Variants in SCAI observed in about 807,000 individuals in gnomAD.
SCAI encodes the protein protein SCAI.
Under a neutral mutation model 92.2 loss-of-function variants are expected in SCAI, and 24 were observed. The observed-to-expected ratio is 0.26, with a 90% CI of 0.19 to 0.37. SCAI has a LOEUF of 0.37. Ranked by LOEUF, SCAI falls within the 10% of genes least tolerant of loss-of-function variation. The pLI, the probability that SCAI is intolerant of heterozygous loss-of-function variation, is 1.00. For synonymous variants in SCAI, 261 were observed against 258.6 expected (o/e 1.01, Z -0.09); for missense variants, 450 against 736.2 (o/e 0.61, Z 4.50).
intron 2 of SCAI, among the ~76,000 whole-genome samples, chr9:125,068,741 AAAAAT>A (rs1272437327): frequency 1.3e-5 from 2 of 152,174 alleles, no homozygotes; most frequent in African/African-American, 4.8e-5. Context: ...TTGTGAAGAT[AAAAAT>A]AAGATTTCAG....
chr9:125,004,195 C>T lies in SCAI; in HGVS notation c.862-625G>A, dbSNP rs578075730. Among the ~76,000 whole-genome samples, 147 of 152,084 alleles carry T rather than the reference C, an allele frequency of 9.7e-4. 5 individuals carry two copies. In the South Asian group the frequency reaches 0.029, roughly 30 times the overall value. On this transcript the variant is annotated intron_variant, in intron 9 of 17. Coordinates refer to ENST00000336505, the MANE Select transcript of SCAI (RefSeq NM_001144877.3). ...TGTCTCAAAAAAAATAAAGCAGCAG[C>T]AGCACAGAGACTATATTAGGTTCTA...
At chr9:125,019,022 T>G in intron 8 of SCAI, 71 bp from the exon 9 acceptor site, 1 of 1,545,196 alleles carries the variant, frequency 6.5e-7, no homozygotes, top group Non-Finnish European at 8.9e-7. Context: ...CTATTCCTTC[T>G]TCTTGACATA....
intron 3 of SCAI, among the ~76,000 whole-genome samples, chr9:125,051,315 G>A (rs1833556241): frequency 6.6e-6 from 1 of 152,092 alleles, no homozygotes; most frequent in Admixed American, 6.6e-5. Context: ...GAGCTACCAT[G>A]CCCAGCCAAT....
Position 124,971,551 on chromosome 9 carries a change from C to T in SCAI, c.1574-81G>A, listed in dbSNP as rs970168306. 2.6e-4 allele frequency: 368 copies of T among 1,388,982 alleles called. 1 individual carries two copies. Among genetic ancestry groups the T allele is most frequent in the African/African-American group, 2.6e-4 (18 of 68,998 alleles). The allele number at this position is 1,388,982 out of a possible 1,614,324, so 86.0% of individuals were successfully genotyped here. ...AAAGGGGAAGGAAACTTCAGGAAAG[C>T]GTTCTCAACTTTCCTGCCTGGGACA... On this transcript the variant is annotated intron_variant, in intron 16 of 17. Transcript: ENST00000336505.
At chr9:125,085,472 A>G (rs746582491) in intron 2 of SCAI, among the ~76,000 whole-genome samples, 7 of 152,180 alleles carry the variant, frequency 4.6e-5, no homozygotes, top group African/African-American at 9.6e-5. Flanking sequence ...TGGGTGACAC[A>G]GCAAGGCTCT....
At chr9:125,064,925 C>T (rs1219982918) in intron 2 of SCAI, among the ~76,000 whole-genome samples, 1 of 152,004 alleles carries the variant, frequency 6.6e-6, no homozygotes, top group Non-Finnish European at 1.5e-5. Context: ...CAAAAAACAT[C>T]ATAATGAAAA....
intron 2 of SCAI, among the ~76,000 whole-genome samples, chr9:125,107,754 C>A (rs1834830865): frequency 6.6e-6 from 1 of 152,210 alleles, no homozygotes; most frequent in African/African-American, 2.4e-5. Context: ...GGCAACAGAG[C>A]AAGACCCCAT....
intron 2 of SCAI, among the ~76,000 whole-genome samples, chr9:125,111,802 G>A (rs80207727): frequency 0.023 from 3,531 of 152,198 alleles, 146 homozygotes; most frequent in African/African-American, 0.081. Context: ...AGGATGTAGC[G>A]CAGGGAAGAG....
rs1831095612 is a variant in SCAI, at chr9:124,943,686, G to A, written c.*9121C>T. On this transcript the variant is annotated 3_prime_UTR_variant, in exon 18 of 18. Coordinates refer to ENST00000336505, the MANE Select transcript of SCAI (RefSeq NM_001144877.3). ...CAAGTGCATTTCTGCCTAATAATCA[G>A]AATGTAGACAATAAGTTCAGCATTA... 2 of 152,132 alleles carry A rather than the reference G, an allele frequency of 1.3e-5. No individual in the cohort carries two copies. The highest frequency in any genetic ancestry group is 1.3e-4 in the Admixed American group (2 of 15,276). The allele number at this position is 152,132 out of a possible 1,614,324, so 9.4% of individuals were successfully genotyped here.
Position 124,971,412 on chromosome 9 carries a change from A to G in SCAI, c.1632T>C (p.Phe544=), listed in dbSNP as rs1268632454. 6.2e-7 allele frequency: 1 copy of G among 1,613,054 alleles called. No homozygotes were observed. Among genetic ancestry groups the G allele is most frequent in the Admixed American group, 1.7e-5 (1 of 59,840 alleles). The change falls in exon 17 of 18, where the codon TTT becomes TTC. Residue 544 remains phenylalanine, a synonymous_variant. Transcript: ENST00000336505. The part of the protein sequence containing the change: ...DEFLRLLLTR[F]IFCSATMRMH... The stretch of plus-strand genomic sequence containing the variant: ...TCCTCATGGTGGCTGAACAAAAGAT[A>G]AATCTTGTGAGGAGCAAGCGAAGAA...
chr9:125,068,399 C>T (rs1473880566), intron 2 of SCAI, among the ~76,000 whole-genome samples: 1 of 152,114 alleles, frequency 6.6e-6, no homozygotes. Context: ...ACTCGGGAAG[C>T]TGAGGCAGGA....
At chr9:124,993,203 G>A (rs1350799162) in intron 14 of SCAI, among the ~76,000 whole-genome samples, 2 of 152,234 alleles carry the variant, frequency 1.3e-5, no homozygotes, top group Admixed American at 1.3e-4. Flanking sequence ...GGCTTTATAA[G>A]TTTAATTGGG....
chr9:125,104,628 G>T (rs1007674955), intron 2 of SCAI, among the ~76,000 whole-genome samples: 1 of 148,440 alleles, frequency 6.7e-6, no homozygotes, highest in African/African-American at 2.5e-5. Context: ...AAAAAGGCCA[G>T]TGCAGTGGCT....
intron 6 of SCAI, among the ~76,000 whole-genome samples, chr9:125,026,122 G>A (rs1006431320): frequency 6.6e-6 from 1 of 152,192 alleles, no homozygotes; most frequent in Non-Finnish European, 1.5e-5. Context: ...TGTAATCCCA[G>A]CACTTTGGGA....
chr9:124,981,788 T>C (rs1048273134), intron 14 of SCAI, among the ~76,000 whole-genome samples: 18 of 152,250 alleles, frequency 1.2e-4, no homozygotes, highest in Admixed American at 1.3e-4. Context: ...TAGCTAGCAC[T>C]GCACAGACGT....
At chr9:125,136,207 C>T (rs1011416627) in intron 2 of SCAI, among the ~76,000 whole-genome samples, 1 of 145,754 alleles carries the variant, frequency 6.9e-6, no homozygotes, top group Non-Finnish European at 1.5e-5. Flanking sequence ...ACCTCCCAGT[C>T]TCAGCTGATC....
intron 14 of SCAI, among the ~76,000 whole-genome samples, chr9:124,976,488 A>C (rs1442184096): frequency 6.6e-6 from 1 of 152,246 alleles, no homozygotes; most frequent in African/African-American, 2.4e-5. Context: ...CAAGAGGCCA[A>C]TCCATCGAGC....
At chr9:125,022,390 CTCTG>C (rs1832886442) in intron 6 of SCAI, among the ~76,000 whole-genome samples, 3 of 152,092 alleles carry the variant, frequency 2.0e-5, no homozygotes, top group Admixed American at 2.0e-4. Context: ...CATTATCTTT[CTCTG>C]TCTACCTTAC....
intron 2 of SCAI, among the ~76,000 whole-genome samples, chr9:125,127,278 C>G (rs574940528): frequency 4.5e-4 from 68 of 152,274 alleles, no homozygotes; most frequent in Middle Eastern, 3.4e-3. Flanking sequence ...CACCCTTCTC[C>G]TGGTACCTCA....
Sources: gnomAD v4.1 joint callset for allele counts (sites outside exome capture counted in the v4.1 genomes callset) on GRCh38, gnomAD v4.1.1 for gene constraint, MANE v1.5 for transcripts, NCBI Gene and HGNC (gene_info 2026-07-23, HGNC 2026-07-21) for gene names.